LOXHD1: variants seen among roughly 807,000 people sequenced by gnomAD.
LOXHD1 encodes lipoxygenase homology domain-containing protein 1.
LOXHD1 carries 205 observed loss-of-function variants against 248.2 expected under a neutral mutation model. The observed-to-expected ratio is 0.83, with a 90% CI of 0.74 to 0.93. The LOEUF (loss-of-function observed/expected upper bound fraction) is 0.93. LOXHD1 is among the 40% of genes least tolerant of loss of function. LOXHD1 has a pLI of 0.00. For synonymous variants in LOXHD1, 1,113 were observed against 1,162.8 expected, an observed-to-expected ratio of 0.96 and a Z score of 0.87; for missense variants, 2,930 against 2,971.6, an observed-to-expected ratio of 0.99 and a Z score of 0.33.
At chr18:46,622,536 G>A (rs9960510) in intron 4 of LOXHD1, among the ~76,000 whole-genome samples, 2,228 of 152,272 alleles carry the variant, frequency 0.015, 51 homozygotes, top group African/African-American at 0.05. Flanking sequence ...CTCTAGGCAG[G>A]GGGTGGTGGG....
At chr18:46,578,298 A>G (rs1407510801) in intron 13 of LOXHD1, among the ~76,000 whole-genome samples, 3 of 152,196 alleles carry the variant, frequency 2.0e-5, no homozygotes, top group Non-Finnish European at 4.4e-5. Flanking sequence ...GAGGCAGCAT[A>G]ACAGTAGGGG....
At chr18:46,575,826 A>G (rs1484889577) in intron 14 of LOXHD1, among the ~76,000 whole-genome samples, 2 of 152,030 alleles carry the variant, frequency 1.3e-5, no homozygotes, top group African/African-American at 4.8e-5. Context: ...AAAATCTCCT[A>G]CTGCTCTCCC....
chr18:46,628,355 G>T (rs2038773741), intron 4 of LOXHD1, among the ~76,000 whole-genome samples: 1 of 152,200 alleles, frequency 6.6e-6, no homozygotes, highest in African/African-American at 2.4e-5. Context: ...GGAAAGTGCT[G>T]CAGGGCTGGC....
chr18:46,487,649 T>A (rs189632591), intron 38 of LOXHD1, among the ~76,000 whole-genome samples: 1 of 152,192 alleles, frequency 6.6e-6, no homozygotes, highest in Non-Finnish European at 1.5e-5. Flanking sequence ...AGCAGGGAGA[T>A]GCTCTCTTCC....
intron 12 of LOXHD1, among the ~76,000 whole-genome samples, chr18:46,587,631 G>A (rs2038086738): frequency 6.6e-6 from 1 of 152,208 alleles, no homozygotes; most frequent in Admixed American, 6.5e-5. Context: ...TTAAAGAGAT[G>A]GGTAAGTACA....
At chr18:46,594,540 C>G (rs956903765) in intron 8 of LOXHD1, 74 bp from the exon 9 acceptor site, 1 of 1,512,064 alleles carries the variant, frequency 6.6e-7, no homozygotes, top group South Asian at 1.2e-5. Context: ...TCAGCAGGCT[C>G]CCAGCCCCAC....
At chr18:46,585,225 A>G (rs1374290990) in intron 12 of LOXHD1, among the ~76,000 whole-genome samples, 5 of 152,170 alleles carry the variant, frequency 3.3e-5, no homozygotes, top group Non-Finnish European at 5.9e-5. Flanking sequence ...GCAAGCAAAT[A>G]TATAAAAAGA....
At chr18:46,561,837 T>C (rs551810394) in intron 18 of LOXHD1, among the ~76,000 whole-genome samples, 1 of 152,214 alleles carries the variant, frequency 6.6e-6, no homozygotes, top group South Asian at 2.1e-4. Flanking sequence ...CGGCATTAGC[T>C]CTCCTCTTCA....
chr18:46,555,112 G>C (rs1387777993), intron 21 of LOXHD1: 1 of 471,032 alleles, frequency 2.1e-6, no homozygotes, highest in Non-Finnish European at 4.4e-6. Context: ...ATCAGTGGCA[G>C]AGAATTACTA....
At chr18:46,593,144 G>T (rs2038202725) in intron 10 of LOXHD1, among the ~76,000 whole-genome samples, 1 of 152,062 alleles carries the variant, frequency 6.6e-6, no homozygotes, top group South Asian at 2.1e-4. Context: ...TCCATTGGGG[G>T]AAAAAATCTT....
At position 46,516,747 on chromosome 18, in the gene LOXHD1, TATC is replaced by T. The variant is rs1027252559; in HGVS notation, c.5399+1379_5399+1381del. On this transcript the variant is annotated intron_variant, in intron 34 of 40. Coordinates refer to ENST00000642948, the MANE Select transcript of LOXHD1 (RefSeq NM_001384474.1). ...TCATAATCACCATCATCACCATCAT[TATC>T]ATCATCATCACCATCATCACAATTA... 7.4e-3 allele frequency among the ~76,000 whole-genome samples: 1,120 copies of T among 150,728 alleles called. 6 individuals carry two copies. Among genetic ancestry groups the T allele is most frequent in the African/African-American group, 0.026 (1,047 of 40,886 alleles).
At chr18:46,554,990 A>G (rs2036021377) in intron 21 of LOXHD1, 1 of 334,918 alleles carries the variant, frequency 3.0e-6, no homozygotes, top group Non-Finnish European at 6.2e-6. Context: ...AAAAGGCAAG[A>G]ATAGCTAATA....
chr18:46,485,293 C>G (rs954677524), intron 38 of LOXHD1, 142 bp from the exon 39 acceptor site: 1 of 874,922 alleles, frequency 1.1e-6, no homozygotes, highest in African/African-American at 1.7e-5. Flanking sequence ...TTAAAAGCAC[C>G]ACGATTGAGG....
chr18:46,482,022 G>A (rs957718622), intron 40 of LOXHD1, among the ~76,000 whole-genome samples: 1 of 152,218 alleles, frequency 6.6e-6, no homozygotes, highest in African/African-American at 2.4e-5. Context: ...GCCATGGAAA[G>A]GGCTTAGGCC....
intron 5 of LOXHD1, among the ~76,000 whole-genome samples, chr18:46,612,542 C>A (rs562542417): frequency 1.3e-5 from 2 of 152,104 alleles, no homozygotes; most frequent in South Asian, 2.1e-4. Context: ...CCATTTATAT[C>A]TTTTATTCCA....
At chr18:46,524,438 C>T (rs1312316291) in intron 31 of LOXHD1, 28 bp downstream of exon 31, 36 of 1,541,628 alleles carry the variant, frequency 2.3e-5, no homozygotes, top group East Asian at 7.4e-5. Context: ...GCCTGGCCCC[C>T]GTCCAAAGAG....
chr18:46,509,624 A>C (rs1277878012), intron 35 of LOXHD1, 74 bp downstream of exon 35: 1 of 1,121,286 alleles, frequency 8.9e-7, no homozygotes, highest in African/African-American at 1.5e-5. Flanking sequence ...AACAAGGTCC[A>C]TTGACAAGCC....
chr18:46,532,395 G>T (rs1395979685), intron 28 of LOXHD1, among the ~76,000 whole-genome samples: 1 of 152,162 alleles, frequency 6.6e-6, no homozygotes, highest in Non-Finnish European at 1.5e-5. Context: ...AAGTGTGCGT[G>T]TGTGTGTGTC....
chr18:46,630,804 C>A (rs1416786022), intron 4 of LOXHD1, among the ~76,000 whole-genome samples: 3 of 152,034 alleles, frequency 2.0e-5, no homozygotes, highest in Non-Finnish European at 4.4e-5. Context: ...GTGGGAGACA[C>A]CTGGAGGCAA....
Sources: gnomAD v4.1 joint callset for allele counts (sites outside exome capture counted in the v4.1 genomes callset) on GRCh38, gnomAD v4.1.1 for gene constraint, MANE v1.5 for transcripts, NCBI Gene and HGNC (gene_info 2026-07-23, HGNC 2026-07-21) for gene names.